The following EGFR variants were observed in gnomAD, a reference collection of about 807,000 sequenced individuals.
EGFR encodes the protein epidermal growth factor receptor, also known as avian erythroblastic leukemia viral (v-erb-b) oncogene homolog.
A neutral mutation model predicts 143.0 loss-of-function variants in EGFR; 58 were observed. That is an observed-to-expected ratio of 0.41 (90% CI 0.33 to 0.50). The LOEUF (loss-of-function observed/expected upper bound fraction) is 0.50. EGFR is among the 20% of genes least tolerant of loss of function. The pLI is 0.39. For synonymous variants in EGFR, 613 were observed against 594.4 expected (o/e 1.03, Z -0.45); for missense variants, 1,307 against 1,579.0 (o/e 0.83, Z 2.92).
At chr7:55,076,684 C>T (rs1031846150) in intron 1 of EGFR, among the ~76,000 whole-genome samples, 1 of 152,116 alleles carries the variant, frequency 6.6e-6, no homozygotes, top group African/African-American at 2.4e-5. Flanking sequence ...ATGGCACCCA[C>T]CCCCACTGAG....
rs1452191951 is a variant in EGFR, at chr7:55,205,417, A to C, written c.3433A>C (p.Thr1145Pro). 9 of 1,614,066 alleles carry C rather than the reference A, an allele frequency of 5.6e-6. No homozygotes were observed. The highest frequency in any genetic ancestry group is 7.6e-6 in the Non-Finnish European group (9 of 1,180,002). Reference protein sequence around the residue: ...NPEYLNTVQPTCVNSTFDSPA... With the variant: ...NPEYLNTVQPPCVNSTFDSPA... ...CGAGTATCTCAACACTGTCCAGCCC[A>C]CCTGTGTCAACAGCACATTCGACAG... The change falls in exon 28 of 28, where the codon ACC (threonine) becomes CCC (proline). Residue 1145 changes from threonine to proline, a missense_variant. Around this residue, in one of 7 missense-constraint regions of EGFR, gnomAD observed 313 missense variants for 312.3 expected, o/e 1.00. Transcript: ENST00000275493.
In EGFR at chr7:55,048,761, T is replaced by A. The variant is rs565373699; in HGVS notation, c.88+29396T>A. 9.2e-5 allele frequency among the ~76,000 whole-genome samples: 14 copies of A among 152,340 alleles called. No individual in the cohort carries two copies. In the South Asian group the frequency reaches 2.9e-3, roughly 32 times the overall value. ...GGTGTTCATTGCTCTTGTATGGTACTGTCTGTGGCACGGCTAGATAAAATA... is the reference window on the plus strand; with the variant it reads ...GGTGTTCATTGCTCTTGTATGGTACAGTCTGTGGCACGGCTAGATAAAATA... On this transcript the variant is annotated intron_variant, in intron 1 of 27. Coordinates refer to ENST00000275493, the MANE Select transcript of EGFR (RefSeq NM_005228.5).
intron 1 of EGFR, among the ~76,000 whole-genome samples, chr7:55,065,757 C>A (rs1218629034): frequency 6.6e-6 from 1 of 151,026 alleles, no homozygotes; most frequent in Non-Finnish European, 1.5e-5. Context: ...TCCCTCTTCA[C>A]TAACATGCTT....
intron 1 of EGFR, among the ~76,000 whole-genome samples, chr7:55,030,993 TC>T (rs1375275533): frequency 6.6e-6 from 1 of 152,254 alleles, no homozygotes; most frequent in Non-Finnish European, 1.5e-5. Flanking sequence ...TTCATTTTCC[TC>T]CACAAGAAAG....
In EGFR at chr7:55,201,760, T is replaced by G. The variant is rs1367552759; in HGVS notation, c.3140T>G (p.Val1047Gly). The G allele has an allele frequency of 6.2e-7, 1 of 1,614,130 alleles. No individual in the cohort carries two copies. The highest frequency in any genetic ancestry group is 8.5e-7 in the Non-Finnish European group (1 of 1,180,054). Reference sequence around the variant, plus strand: ...AGTGCAACCAGCAACAATTCCACCGTGGCTTGCATTGATAGAAATGGGGTA... The same window carrying G: ...AGTGCAACCAGCAACAATTCCACCGGGGCTTGCATTGATAGAAATGGGGTA... ...SLSATSNNST[V>G]ACIDRNGLQS... Residue 1047 changes from valine to glycine, a missense_variant, in exon 26 of 28, where the codon GTG becomes GGG. Physicochemically the swap from Val to Gly is moderately radical, Grantham distance 109 (BLOSUM62 -3). Around this residue, in one of 7 missense-constraint regions of EGFR, gnomAD observed 313 missense variants for 312.3 expected, o/e 1.00. Coordinates refer to ENST00000275493, the MANE Select transcript of EGFR (RefSeq NM_005228.5).
intron 1 of EGFR, among the ~76,000 whole-genome samples, chr7:55,113,543 A>G (rs1225358741): frequency 6.6e-6 from 1 of 152,212 alleles, no homozygotes; most frequent in Non-Finnish European, 1.5e-5. Flanking sequence ...AGTAAACCAC[A>G]TTCTCTTCAC....
chr7:55,095,963 A>T (rs1303815195), intron 1 of EGFR, among the ~76,000 whole-genome samples: 1 of 151,766 alleles, frequency 6.6e-6, no homozygotes, highest in African/African-American at 2.4e-5. Flanking sequence ...ACAGACAGAC[A>T]TACACACAGA....
intron 1 of EGFR, among the ~76,000 whole-genome samples, chr7:55,093,556 C>G (rs376591404): frequency 2.6e-5 from 4 of 152,172 alleles, no homozygotes; most frequent in Non-Finnish European, 5.9e-5. Flanking sequence ...GACCGTGATG[C>G]GCCTCAGCCC....
chr7:55,126,372 T>A (rs1034049772), intron 1 of EGFR, among the ~76,000 whole-genome samples: 5 of 152,240 alleles, frequency 3.3e-5, no homozygotes, highest in Admixed American at 1.3e-4. Context: ...GATGCTCTTC[T>A]GGGTGTTGTG....
intron 1 of EGFR, among the ~76,000 whole-genome samples, chr7:55,062,767 A>G (rs983050306): frequency 6.6e-6 from 1 of 151,970 alleles, no homozygotes; most frequent in South Asian, 2.1e-4. Flanking sequence ...GACTTGTGGC[A>G]TCTTTGAAAA....
intron 1 of EGFR, among the ~76,000 whole-genome samples, chr7:55,101,612 C>A (rs1791832007): frequency 6.6e-6 from 1 of 152,354 alleles, no homozygotes; most frequent in African/African-American, 2.4e-5. Flanking sequence ...GCTGAGGCTG[C>A]TGCCCTGACC....
At chr7:55,144,508 G>T (rs913150993) in intron 3 of EGFR, among the ~76,000 whole-genome samples, 3 of 152,180 alleles carry the variant, frequency 2.0e-5, no homozygotes, top group Non-Finnish European at 4.4e-5. Context: ...GATGAAAGGG[G>T]TGCCCAGCAG....
At chr7:55,132,888 T>G (rs1334746090) in intron 1 of EGFR, among the ~76,000 whole-genome samples, 1 of 152,204 alleles carries the variant, frequency 6.6e-6, no homozygotes, top group African/African-American at 2.4e-5. Context: ...GTGCCTGGTG[T>G]GCATCTCAGA....
intron 14 of EGFR, 148 bp from the exon 15 acceptor site, chr7:55,165,132 A>C: frequency 8.7e-7 from 1 of 1,154,266 alleles, no homozygotes; most frequent in Non-Finnish European, 1.3e-6. Context: ...GTGCAATCAC[A>C]GAATAACTGG....
At chr7:55,111,645 T>G (rs943635045) in intron 1 of EGFR, among the ~76,000 whole-genome samples, 11 of 152,146 alleles carry the variant, frequency 7.2e-5, no homozygotes, top group Non-Finnish European at 1.5e-4. Flanking sequence ...CGGGAGTGAG[T>G]GGGCTCAGTT....
intron 11 of EGFR, among the ~76,000 whole-genome samples, chr7:55,158,146 T>G (rs1785521834): frequency 6.6e-6 from 1 of 152,238 alleles, no homozygotes; most frequent in Non-Finnish European, 1.5e-5. Flanking sequence ...GTTCAGCTGG[T>G]GTTTTCTCAG....
At chr7:55,191,340 G>A (rs1446008913) in intron 20 of EGFR, among the ~76,000 whole-genome samples, 3 of 152,120 alleles carry the variant, frequency 2.0e-5, no homozygotes, top group Admixed American at 6.6e-5. Flanking sequence ...GCTTGGTGAG[G>A]AGGGCATGGT....
chr7:55,200,563 C>A (rs952746801), intron 24 of EGFR, 150 bp downstream of exon 24: 68 of 793,706 alleles, frequency 8.6e-5, no homozygotes, highest in Non-Finnish European at 1.2e-4. Flanking sequence ...CTCAGTAAGG[C>A]GCAGGCCACA....
At chr7:55,033,986 T>C (rs753334743) in intron 1 of EGFR, among the ~76,000 whole-genome samples, 4 of 152,186 alleles carry the variant, frequency 2.6e-5, no homozygotes, top group Non-Finnish European at 5.9e-5. Flanking sequence ...TTTCTTGTTT[T>C]TTTTCTCTTG....
Sources: gnomAD v4.1 joint callset for allele counts (sites outside exome capture counted in the v4.1 genomes callset) on GRCh38, gnomAD v4.1.1 for gene constraint, gnomAD v4.1.1 regional missense constraint, MANE v1.5 for transcripts, NCBI Gene and HGNC (gene_info 2026-07-23, HGNC 2026-07-21) for gene names.